Variants in CDKAL1 observed in about 807,000 individuals in gnomAD.
CDKAL1 encodes the protein CDKAL1 threonylcarbamoyladenosine tRNA methylthiotransferase.
In CDKAL1, 32 loss-of-function variants were observed where a neutral mutation model predicts 68.2. The observed-to-expected ratio is 0.47, with a 90% CI of 0.35 to 0.63. CDKAL1 has a LOEUF of 0.63. CDKAL1 is among the 30% of genes least tolerant of loss of function. The pLI, the probability that CDKAL1 is intolerant of heterozygous loss-of-function variation, is 0.00. For missense variants in CDKAL1, 606 were observed against 696.7 expected (o/e 0.87, Z 1.47); for synonymous variants, 234 against 244.3 (o/e 0.96, Z 0.39).
At chr6:20,898,562 T>C (rs766911419) in intron 9 of CDKAL1, among the ~76,000 whole-genome samples, 1 of 151,770 alleles carries the variant, frequency 6.6e-6, no homozygotes, top group Non-Finnish European at 1.5e-5. Context: ...TACTCTTGAC[T>C]ATTGATGGTA....
At chr6:20,555,339 G>A (rs1268160414) in intron 4 of CDKAL1, among the ~76,000 whole-genome samples, 3 of 151,720 alleles carry the variant, frequency 2.0e-5, no homozygotes, top group Non-Finnish European at 2.9e-5. Context: ...ATTATTTTCC[G>A]AGATGGAGTC....
At chr6:20,594,343 T>A (rs1337169785) in intron 4 of CDKAL1, among the ~76,000 whole-genome samples, 6 of 152,216 alleles carry the variant, frequency 3.9e-5, no homozygotes, top group Admixed American at 6.5e-5. Context: ...GAACTTGTTC[T>A]GTGAATCGGG....
intron 5 of CDKAL1, among the ~76,000 whole-genome samples, chr6:20,693,129 C>CA (rs70990059): frequency 0.085 from 5,696 of 67,332 alleles, 688 homozygotes; most frequent in Admixed American, 0.11. Context: ...GACTCTGTCT[C>CA]AAAAAAAAAA....
At chr6:20,725,532 C>T (rs1366278458) in intron 5 of CDKAL1, among the ~76,000 whole-genome samples, 4 of 152,216 alleles carry the variant, frequency 2.6e-5, no homozygotes, top group Admixed American at 6.5e-5. Flanking sequence ...TGCCTGTAAT[C>T]CCAGCACTGT....
chr6:20,713,782 A>C (rs1771956772), intron 5 of CDKAL1, among the ~76,000 whole-genome samples: 1 of 152,166 alleles, frequency 6.6e-6, no homozygotes, highest in South Asian at 2.1e-4. Context: ...CAAGTTCTTT[A>C]TTTATAGAGC....
intron 13 of CDKAL1, among the ~76,000 whole-genome samples, chr6:21,172,289 A>G (rs1362169405): frequency 6.6e-6 from 1 of 152,120 alleles, no homozygotes; most frequent in Non-Finnish European, 1.5e-5. Flanking sequence ...TTCGTACCCC[A>G]AGGGAAAGGA....
intron 9 of CDKAL1, among the ~76,000 whole-genome samples, chr6:20,848,982 A>T (rs1349667282): frequency 1.3e-5 from 2 of 151,734 alleles, no homozygotes; most frequent in East Asian, 3.9e-4. Context: ...TTAGAGAGAA[A>T]GAGTCTCCCT....
chr6:20,571,743 T>C (rs1764711240), intron 4 of CDKAL1, among the ~76,000 whole-genome samples: 1 of 151,948 alleles, frequency 6.6e-6, no homozygotes, highest in Non-Finnish European at 1.5e-5. Context: ...GTATAGCAGA[T>C]ATAAAATGGA....
At chr6:20,895,657 A>C (rs1197298566) in intron 9 of CDKAL1, among the ~76,000 whole-genome samples, 2 of 152,220 alleles carry the variant, frequency 1.3e-5, no homozygotes, top group Non-Finnish European at 2.9e-5. Context: ...TGCAAGTAAC[A>C]TCTAACATCA....
At chr6:21,113,495 T>A (rs913194077) in intron 13 of CDKAL1, among the ~76,000 whole-genome samples, 2 of 150,766 alleles carry the variant, frequency 1.3e-5, no homozygotes, top group Non-Finnish European at 3.0e-5. Flanking sequence ...AAAAACGGGG[T>A]TTTTTTGTTT....
At chr6:20,670,952 G>A (rs1231702143) in intron 5 of CDKAL1, among the ~76,000 whole-genome samples, 1 of 152,142 alleles carries the variant, frequency 6.6e-6, no homozygotes, top group African/African-American at 2.4e-5. Flanking sequence ...GAGGTTGTCT[G>A]ATATTTCACA....
At chr6:20,956,027 A>G (rs1251421331) in intron 10 of CDKAL1, among the ~76,000 whole-genome samples, 1 of 152,190 alleles carries the variant, frequency 6.6e-6, no homozygotes, top group Non-Finnish European at 1.5e-5. Context: ...ATGAATTTTC[A>G]ATTTCATCCC....
At chr6:20,762,763 G>T (rs1342770960) in intron 7 of CDKAL1, among the ~76,000 whole-genome samples, 1 of 152,096 alleles carries the variant, frequency 6.6e-6, no homozygotes, top group Non-Finnish European at 1.5e-5. Flanking sequence ...AGAACTGCTG[G>T]AATAATCTAA....
chr6:21,013,898 G>T (rs565176984), intron 11 of CDKAL1, among the ~76,000 whole-genome samples: 4 of 152,232 alleles, frequency 2.6e-5, no homozygotes, highest in East Asian at 3.9e-4. Flanking sequence ...CATTAAAAAA[G>T]AAAAGAAAAG....
intron 10 of CDKAL1, among the ~76,000 whole-genome samples, chr6:20,962,722 T>C (rs1377881293): frequency 6.6e-6 from 1 of 152,220 alleles, no homozygotes; most frequent in Non-Finnish European, 1.5e-5. Flanking sequence ...GTAAATATAT[T>C]CTCTACTGTT....
At chr6:20,550,135 C>T (rs1337641425) in intron 4 of CDKAL1, among the ~76,000 whole-genome samples, 2 of 152,044 alleles carry the variant, frequency 1.3e-5, no homozygotes, top group Non-Finnish European at 2.9e-5. Context: ...TGCGCCACCA[C>T]ACCAGGCTAA....
chr6:21,226,058 G>T (rs1002717504), intron 15 of CDKAL1, among the ~76,000 whole-genome samples: 1 of 152,176 alleles, frequency 6.6e-6, no homozygotes, highest in African/African-American at 2.4e-5. Flanking sequence ...ATGGAGCTGG[G>T]ATTAGAGCCC....
At chr6:20,723,219 G>T (rs1040023662) in intron 5 of CDKAL1, among the ~76,000 whole-genome samples, 1 of 152,216 alleles carries the variant, frequency 6.6e-6, no homozygotes, top group African/African-American at 2.4e-5. Flanking sequence ...GGGCTTCAGG[G>T]TCGTGGGCAC....
At chr6:20,771,328 G>A (rs1160789547) in intron 7 of CDKAL1, among the ~76,000 whole-genome samples, 1 of 152,170 alleles carries the variant, frequency 6.6e-6, no homozygotes, top group Non-Finnish European at 1.5e-5. Flanking sequence ...GAGTGAATTT[G>A]AAGCAAAGTG....
Sources: allele counts gnomAD v4.1 joint callset (sites outside exome capture counted in the v4.1 genomes callset), GRCh38; gene constraint gnomAD v4.1.1; transcripts MANE v1.5; gene names NCBI Gene and HGNC (gene_info 2026-07-23, HGNC 2026-07-21).